The following KCNE3 variants were observed in gnomAD, a reference collection of about 807,000 sequenced individuals.
KCNE3 encodes the protein potassium voltage-gated channel subfamily E regulatory subunit 3.
A neutral mutation model predicts 4.3 loss-of-function variants in KCNE3; 2 were observed. That is an observed-to-expected ratio of 0.47 (90% confidence interval 0.19 to 1.48). KCNE3 has a LOEUF of 1.48. Ranked by LOEUF, KCNE3 falls within the 40% of genes most tolerant of loss-of-function variation. The pLI, the probability that KCNE3 is intolerant of heterozygous loss-of-function variation, is 0.25. For missense variants in KCNE3, 128 were observed against 136.8 expected (o/e 0.94, Z 0.32); for synonymous variants, 47 against 52.0 (o/e 0.90, Z 0.41).
Position 74,466,685 on chromosome 11 carries a change from ACT to A in KCNE3, c.-190+711_-190+712del, listed in dbSNP as rs371486253. ...AACTCATTTATTTTCGAGATAAGAG[ACT>A]CTGAGGTCCAATCCCCCTTTCCCCT... On this transcript the variant is annotated intron_variant, in intron 1 of 2. Coordinates refer to ENST00000310128, the MANE Select transcript of KCNE3 (RefSeq NM_005472.5). 4.1e-4 allele frequency among the ~76,000 whole-genome samples: 62 copies of A among 152,122 alleles called. No homozygotes were observed. The East Asian group carries it at 9.9e-3, about 24-fold the overall frequency.
intron 2 of KCNE3, among the ~76,000 whole-genome samples, chr11:74,459,411 G>A (rs546788637): frequency 1.5e-4 from 23 of 151,738 alleles, no homozygotes; most frequent in East Asian, 1.9e-4. Context: ...ACAGGCGCCC[G>A]CCATCACGCC....
rs923814254 is a variant in KCNE3, at chr11:74,467,501, C to G, written c.-293G>C. Reference sequence around the variant, plus strand: ...GCGACCCTGTGCATTCCACCAGCCCCGTTCCACTCCGCGGGTGCCCAGCAC... The same window carrying G: ...GCGACCCTGTGCATTCCACCAGCCCGGTTCCACTCCGCGGGTGCCCAGCAC... On this transcript the variant is annotated 5_prime_UTR_variant, in exon 1 of 3. Transcript: ENST00000310128. The surrounding 1 kb of genome is among the most constrained non-coding windows in gnomAD (Gnocchi z 4.4). 1 of 152,774 alleles carries G rather than the reference C, an allele frequency of 6.5e-6. No homozygotes were observed. The highest frequency in any genetic ancestry group is 2.4e-5 in the African/African-American group (1 of 41,446). 9.5% of individuals were successfully genotyped at this position (152,774 alleles called of 1,614,324 possible).
At chr11:74,466,674 C>A (rs1049661113) in intron 1 of KCNE3, among the ~76,000 whole-genome samples, 1 of 152,118 alleles carries the variant, frequency 6.6e-6, no homozygotes, top group African/African-American at 2.4e-5. Context: ...CATTTATTTT[C>A]GAGATAAGAG....
At chr11:74,457,678 A>G in intron 2 of KCNE3, 75 bp from the exon 3 acceptor site, 1 of 958,028 alleles carries the variant, frequency 1.0e-6, no homozygotes, top group Non-Finnish European at 1.7e-6. Flanking sequence ...TTCAGATCCC[A>G]GGTAAAATCT....
chr11:74,455,180 A>G lies in KCNE3; in HGVS notation c.*2072T>C, dbSNP rs1863781594. The G allele has an allele frequency of 6.6e-6, 1 of 152,246 alleles. No individual in the cohort carries two copies. Among genetic ancestry groups the G allele is most frequent in the Non-Finnish European group, 1.5e-5 (1 of 68,040 alleles). The allele number at this position is 152,246 out of a possible 1,614,324, so 9.4% of individuals were successfully genotyped here. On this transcript the variant is annotated 3_prime_UTR_variant, in exon 3 of 3. Transcript: ENST00000310128. ...AGTCAGTCAAATATTACATAAATTT[A>G]TCATGCGGAAAGGGAAAATCACCTA...
At chr11:74,460,055 A>G (rs1454268544) in intron 2 of KCNE3, among the ~76,000 whole-genome samples, 1 of 152,240 alleles carries the variant, frequency 6.6e-6, no homozygotes, top group Non-Finnish European at 1.5e-5. Context: ...TCCCTGGAAA[A>G]GATGATCATT....
In KCNE3 at chr11:74,457,463, C is replaced by T; in HGVS notation, c.101G>A (p.Gly34Glu). 3 of 1,614,070 alleles carry T rather than the reference C, an allele frequency of 1.9e-6. No individual in the cohort carries two copies. The highest frequency in any genetic ancestry group is 2.5e-6 in the Non-Finnish European group (3 of 1,179,920). Residue 34 changes from glycine (G) to glutamate (E), a missense_variant, in exon 3 of 3, where the codon GGG (glycine) becomes GAG (glutamate). Gly to Glu is a moderately conservative substitution (Grantham distance 98). Transcript: ENST00000310128. ...CTGGTTGTCTGGCCCCAGCCCTGGC[C>T]CTGGCCGGCAGAGCAAATTGCTGTG... ...TLHSNLLCRP[G>E]PGLGPDNQTE...
At chr11:74,465,102 C>CTGTG (rs143869592) in intron 1 of KCNE3, among the ~76,000 whole-genome samples, 40,205 of 149,940 alleles carry the variant, frequency 0.27, 5,689 homozygotes, top group Middle Eastern at 0.37. Context: ...TACTGAAACT[C>CTGTG]TGTGTGTGTG....
intron 1 of KCNE3, among the ~76,000 whole-genome samples, chr11:74,465,015 T>C (rs1864029832): frequency 6.6e-6 from 1 of 152,140 alleles, no homozygotes; most frequent in African/African-American, 2.4e-5. Flanking sequence ...CCTTCCTCAC[T>C]CCCTAGCCAG....
chr11:74,467,501 C>T lies in KCNE3; in HGVS notation c.-293G>A, dbSNP rs923814254. The T allele has an allele frequency of 1.3e-5, 2 of 152,774 alleles. No homozygotes were observed. The highest frequency in any genetic ancestry group is 1.5e-5 in the Non-Finnish European group (1 of 68,152). The allele number at this position is 152,774 out of a possible 1,614,324, so 9.5% of individuals were successfully genotyped here. A position where few individuals can be genotyped will look rare whatever the true frequency, so the allele number is the denominator to read the frequency against. On this transcript the variant is annotated 5_prime_UTR_variant, in exon 1 of 3. Coordinates refer to ENST00000310128, the MANE Select transcript of KCNE3 (RefSeq NM_005472.5). This position sits in a 1 kb window ranked among gnomAD's most constrained non-coding sequence, Gnocchi z 4.4. Reference sequence around the variant, plus strand: ...GCGACCCTGTGCATTCCACCAGCCCCGTTCCACTCCGCGGGTGCCCAGCAC... The same window carrying T: ...GCGACCCTGTGCATTCCACCAGCCCTGTTCCACTCCGCGGGTGCCCAGCAC...
At chr11:74,461,295 TG>T (rs1565461703) in intron 2 of KCNE3, among the ~76,000 whole-genome samples, 207 of 22,064 alleles carry the variant, frequency 9.4e-3, no homozygotes, top group East Asian at 0.019. Flanking sequence ...TTATGTTTTG[TG>T]TGTGTGTGTG....
At position 74,457,151 on chromosome 11, in the gene KCNE3, G is replaced by A; in HGVS notation, c.*101C>T. Reference sequence around the variant, plus strand: ...AACCGTGTTTCTTGTTGATCTTACAGATAGGGACACTGAGACCTGATGCAG... The same window carrying A: ...AACCGTGTTTCTTGTTGATCTTACAAATAGGGACACTGAGACCTGATGCAG... On this transcript the variant is annotated 3_prime_UTR_variant, in exon 3 of 3. Coordinates refer to ENST00000310128, the MANE Select transcript of KCNE3 (RefSeq NM_005472.5). 8.8e-7 allele frequency: 1 copy of A among 1,140,292 alleles called. No individual in the cohort carries two copies. Among genetic ancestry groups the A allele is most frequent in the Non-Finnish European group, 1.3e-6 (1 of 772,316 alleles). The allele number at this position is 1,140,292 out of a possible 1,614,324, so 70.6% of individuals were successfully genotyped here.
At position 74,456,795 on chromosome 11, in the gene KCNE3, GGGGGCAGGGT is replaced by G; in HGVS notation, c.*447_*456del. 1 of 221,708 alleles carries G rather than the reference GGGGGCAGGGT, an allele frequency of 4.5e-6. No individual in the cohort carries two copies. Among genetic ancestry groups the G allele is most frequent in the South Asian group, 6.2e-5 (1 of 16,228 alleles). 13.7% of individuals were successfully genotyped at this position (221,708 alleles called of 1,614,324 possible). ...CTTGCCCTGCTTTCTTCACGGGAGCGGGGGCAGGGTGGTGGTGGTAAATCATATCTGTGAT... is the reference window on the plus strand; with the variant it reads ...CTTGCCCTGCTTTCTTCACGGGAGCGGGTGGTGGTAAATCATATCTGTGAT... On this transcript the variant is annotated 3_prime_UTR_variant, in exon 3 of 3. Transcript: ENST00000310128.
Position 74,462,013 on chromosome 11 carries a change from A to G in KCNE3, c.-99T>C, listed in dbSNP as rs41312344. 60 of 152,372 alleles carry G rather than the reference A, an allele frequency of 3.9e-4. No homozygotes were observed. Among genetic ancestry groups the G allele is most frequent in the African/African-American group, 1.3e-3 (55 of 41,554 alleles). The allele number at this position is 152,372 out of a possible 1,614,324, so 9.4% of individuals were successfully genotyped here. A position where few individuals can be genotyped will look rare whatever the true frequency, so the allele number is the denominator to read the frequency against. On this transcript the variant is annotated 5_prime_UTR_variant, in exon 2 of 3. Coordinates refer to ENST00000310128, the MANE Select transcript of KCNE3 (RefSeq NM_005472.5). ...GTTTCAGGAGTCCCTTTGTGGACAC[A>G]CTAAGGCTCCTCCACCCCCGAGCCT... is the stretch of plus-strand genomic sequence containing the variant.
rs759214664 is a variant in KCNE3 at position 74,457,428 on chromosome 11, T to C, written c.136A>G (p.Arg46Gly). The change falls in exon 3 of 3, where the codon AGG becomes GGG. Residue 46 changes from arginine (R) to glycine (G), a missense_variant. Arg to Gly is a moderately radical substitution (Grantham distance 125). Transcript: ENST00000310128. The part of the protein sequence containing the change: ...GLGPDNQTEE[R>G]RASLPGRDDN... The stretch of plus-strand genomic sequence containing the variant: ...TCACGGCCAGGTAGGCTGGCCCGCC[T>C]CTCTTCAGTCTGGTTGTCTGGCCCC... 1 of 1,613,774 alleles carries C rather than the reference T, an allele frequency of 6.2e-7. No individual in the cohort carries two copies. Among genetic ancestry groups the C allele is most frequent in the Admixed American group, 1.7e-5 (1 of 60,026 alleles).
chr11:74,465,244 AAATG>A (rs1211031950), intron 1 of KCNE3, among the ~76,000 whole-genome samples: 1 of 152,142 alleles, frequency 6.6e-6, no homozygotes. Flanking sequence ...ATTCAAGAAT[AAATG>A]AATCAATGCC....
At chr11:74,464,955 T>C (rs1864029000) in intron 1 of KCNE3, among the ~76,000 whole-genome samples, 1 of 152,224 alleles carries the variant, frequency 6.6e-6, no homozygotes, top group Non-Finnish European at 1.5e-5. Context: ...CTACTCATCC[T>C]TCAAGACCCA....
At chr11:74,466,879 T>C (rs1300748873) in intron 1 of KCNE3, among the ~76,000 whole-genome samples, 1 of 152,194 alleles carries the variant, frequency 6.6e-6, no homozygotes, top group Non-Finnish European at 1.5e-5. Context: ...CCTATGTTAC[T>C]GGCAGCAGAA....
rs1242424314 is a variant in KCNE3 at position 74,456,376 on chromosome 11, C to T, written c.*876G>A. 3 of 150,486 alleles carry T rather than the reference C, an allele frequency of 2.0e-5. No homozygotes were observed. The highest frequency in any genetic ancestry group is 7.3e-5 in the African/African-American group (3 of 40,966). The allele number at this position is 150,486 out of a possible 1,614,324, so 9.3% of individuals were successfully genotyped here. On this transcript the variant is annotated 3_prime_UTR_variant, in exon 3 of 3. Coordinates refer to ENST00000310128, the MANE Select transcript of KCNE3 (RefSeq NM_005472.5). ...AAGAAAAGAAGTTTCTCACATCACT[C>T]AGTCAAAACTGAAAAGACTGCTTGC...
Sources: allele counts gnomAD v4.1 joint callset (sites outside exome capture counted in the v4.1 genomes callset), GRCh38; gene constraint gnomAD v4.1.1; non-coding constraint Gnocchi (gnomAD v3.1); transcripts MANE v1.5; gene names NCBI Gene and HGNC (gene_info 2026-07-23, HGNC 2026-07-21).